Variants in NELL1 observed in about 807,000 individuals in gnomAD.
NELL1 encodes neural EGFL like 1.
In NELL1, 76 loss-of-function variants were observed where a neutral mutation model predicts 107.4. That is an observed-to-expected ratio of 0.71 (90% confidence interval 0.59 to 0.86). The LOEUF (loss-of-function observed/expected upper bound fraction) is 0.86, where lower values mean the gene tolerates loss of function less well. Among genes scored for constraint, NELL1 ranks in the 40% least tolerant of loss-of-function variants. NELL1 has a pLI of 0.00. For missense variants in NELL1, 1,024 were observed against 1,005.5 expected, an observed-to-expected ratio of 1.02 and a Z score of -0.25; for synonymous variants, 353 against 341.2, an observed-to-expected ratio of 1.03 and a Z score of -0.38.
At chr11:21,548,776 A>AAGTT in intron 16 of NELL1, among the ~76,000 whole-genome samples, 1 of 151,746 alleles carries the variant, frequency 6.6e-6, no homozygotes, top group South Asian at 2.1e-4. Flanking sequence ...GCCTGGCTTT[A>AAGTT]AGTTAGGATG....
At chr11:21,031,306 C>CT (rs1390530886) in intron 12 of NELL1, among the ~76,000 whole-genome samples, 1 of 152,146 alleles carries the variant, frequency 6.6e-6, no homozygotes, top group African/African-American at 2.4e-5. Flanking sequence ...TGACTGTTCC[C>CT]TTTGAGTAAT....
chr11:21,385,187 T>C (rs1486586317), intron 15 of NELL1, among the ~76,000 whole-genome samples: 1 of 151,830 alleles, frequency 6.6e-6, no homozygotes, highest in Non-Finnish European at 1.5e-5. Context: ...ACTTTTCGTA[T>C]GGCTTCACTG....
At chr11:21,331,038 C>A (rs1347265971) in intron 14 of NELL1, among the ~76,000 whole-genome samples, 1 of 151,998 alleles carries the variant, frequency 6.6e-6, no homozygotes, top group Non-Finnish European at 1.5e-5. Context: ...TATTAGTTTC[C>A]TACTGCAGAA....
intron 12 of NELL1, among the ~76,000 whole-genome samples, chr11:21,092,150 A>G (rs16907456): frequency 0.027 from 4,062 of 152,292 alleles, 88 homozygotes; most frequent in African/African-American, 0.056. Context: ...AAATCTGTCA[A>G]TAGGACTCAG....
chr11:20,927,046 A>G (rs1307912505), intron 7 of NELL1: 2 of 371,276 alleles, frequency 5.4e-6, no homozygotes, highest in Admixed American at 4.5e-5. Flanking sequence ...ATTTATGAAC[A>G]CCCATGAGGT....
At chr11:20,903,674 C>T (rs1432954335) in intron 5 of NELL1, among the ~76,000 whole-genome samples, 1 of 152,058 alleles carries the variant, frequency 6.6e-6, no homozygotes, top group Non-Finnish European at 1.5e-5. Context: ...TGTTCTCTAA[C>T]TTTAGATTGC....
rs534179212 is a variant in NELL1 at position 21,028,712 on chromosome 11, C to T, written c.1300+68152C>T. ...TTGTCTACTTTTTTCTTTCCCTTTT[C>T]TTATTTCTCCCTTTGGCCAGAGTAA... On this transcript the variant is annotated intron_variant, in intron 12 of 19. Transcript: ENST00000357134. Among the ~76,000 whole-genome samples the T allele has an allele frequency of 3.3e-5, 5 of 151,896 alleles. No individual in the cohort carries two copies. The South Asian group carries it at 1.0e-3, about 32-fold the overall frequency.
At chr11:21,005,257 A>G (rs1852304798) in intron 12 of NELL1, among the ~76,000 whole-genome samples, 1 of 152,188 alleles carries the variant, frequency 6.6e-6, no homozygotes, top group African/African-American at 2.4e-5. Flanking sequence ...CTTAAAATTA[A>G]TATTGTATTA....
intron 5 of NELL1, among the ~76,000 whole-genome samples, chr11:20,893,348 C>T (rs1288726504): frequency 6.7e-6 from 1 of 148,272 alleles, no homozygotes; most frequent in African/African-American, 2.5e-5. Flanking sequence ...CAAACCTGCA[C>T]ACTCTGCACA....
At chr11:21,529,501 C>T (rs2133965619) in intron 15 of NELL1, among the ~76,000 whole-genome samples, 1 of 152,246 alleles carries the variant, frequency 6.6e-6, no homozygotes, top group South Asian at 2.1e-4. Flanking sequence ...GTTTGCTGTA[C>T]TTGTGACAAT....
chr11:20,686,859 A>G (rs139921795), intron 2 of NELL1, among the ~76,000 whole-genome samples: 143 of 152,124 alleles, frequency 9.4e-4, no homozygotes, highest in African/African-American at 3.3e-3. Flanking sequence ...TGACTCTGTC[A>G]TTATTGTAAA....
chr11:21,127,425 TC>T (rs1855510277), intron 13 of NELL1, among the ~76,000 whole-genome samples: 1 of 151,970 alleles, frequency 6.6e-6, no homozygotes. Context: ...CAGCAATCTG[TC>T]TCTACAAAAG....
At chr11:21,340,377 C>T (rs1565176878) in intron 14 of NELL1, among the ~76,000 whole-genome samples, 1 of 152,132 alleles carries the variant, frequency 6.6e-6, no homozygotes, top group Admixed American at 6.5e-5. Context: ...TGGTCTCGAT[C>T]TCCTGACCTT....
At chr11:21,332,961 A>T (rs748295834) in intron 14 of NELL1, among the ~76,000 whole-genome samples, 1 of 152,028 alleles carries the variant, frequency 6.6e-6, no homozygotes. Flanking sequence ...AAATTTCTTT[A>T]AACAACTTGT....
At chr11:20,711,064 G>A (rs920752217) in intron 2 of NELL1, among the ~76,000 whole-genome samples, 1 of 151,318 alleles carries the variant, frequency 6.6e-6, no homozygotes, top group African/African-American at 2.4e-5. Flanking sequence ...TTCTTTTTCT[G>A]AGTTTAGGTT....
At chr11:21,123,490 C>T (rs1051615891) in intron 13 of NELL1, among the ~76,000 whole-genome samples, 1 of 151,972 alleles carries the variant, frequency 6.6e-6, no homozygotes, top group East Asian at 1.9e-4. Flanking sequence ...AGCAGTTATA[C>T]TAAATTTATG....
chr11:21,546,809 T>A (rs992674814), intron 16 of NELL1, among the ~76,000 whole-genome samples: 1 of 152,136 alleles, frequency 6.6e-6, no homozygotes, highest in East Asian at 1.9e-4. Flanking sequence ...ATTGAATAGT[T>A]TTTTGTTCTT....
intron 14 of NELL1, among the ~76,000 whole-genome samples, chr11:21,271,815 T>C (rs978408544): frequency 6.6e-6 from 1 of 152,080 alleles, no homozygotes; most frequent in Non-Finnish European, 1.5e-5. Context: ...GCAAGACTGG[T>C]TCAACATTTG....
At chr11:21,237,092 A>G (rs1455176111) in intron 14 of NELL1, among the ~76,000 whole-genome samples, 2 of 152,072 alleles carry the variant, frequency 1.3e-5, no homozygotes, top group Non-Finnish European at 2.9e-5. Context: ...GCCTTCAGCT[A>G]TTAATGTATT....
Sources: allele counts gnomAD v4.1 joint callset (sites outside exome capture counted in the v4.1 genomes callset), GRCh38; gene constraint gnomAD v4.1.1; transcripts MANE v1.5; gene names NCBI Gene and HGNC (gene_info 2026-07-23, HGNC 2026-07-21).